GRHL3: variants seen among roughly 807,000 people sequenced by gnomAD.
GRHL3 encodes the protein grainyhead like transcription factor 3, also known as grainyhead-like protein 3 homolog.
A neutral mutation model predicts 70.3 loss-of-function variants in GRHL3; 20 were observed. That is an observed-to-expected ratio of 0.28 (90% CI 0.20 to 0.41). The LOEUF (loss-of-function observed/expected upper bound fraction) is 0.41. Among genes scored for constraint, GRHL3 ranks in the 10% least tolerant of loss-of-function variants. The probability of loss-of-function intolerance (pLI) is 1.00; values close to 1 mark genes in which losing one functional copy is unlikely to be tolerated. For missense variants in GRHL3, 637 were observed against 762.3 expected, an observed-to-expected ratio of 0.84 and a Z score of 1.94; for synonymous variants, 299 against 299.9, an observed-to-expected ratio of 1.00 and a Z score of 0.03.
chr1:24,319,812 G>A lies in GRHL3; in HGVS notation c.17+244G>A. The A allele has an allele frequency of 3.2e-6, 4 of 1,262,192 alleles. No individual in the cohort carries two copies. In the South Asian group the frequency reaches 4.7e-5, roughly 15 times the overall value. 78.2% of individuals were successfully genotyped at this position (1,262,192 alleles called of 1,614,324 possible). On this transcript the variant is annotated intron_variant, in intron 1 of 15. Transcript: ENST00000361548. ...TTGCTGAGCAGTTTCGAGCCAGGCA[G>A]GGAAACACAAGACTGAAACTGTGAA...
At chr1:24,332,555 T>C (rs554154397) in intron 2 of GRHL3, among the ~76,000 whole-genome samples, 1 of 152,306 alleles carries the variant, frequency 6.6e-6, no homozygotes, top group African/African-American at 2.4e-5. Context: ...TTTGTCAATG[T>C]AGTAATCCAG....
downstream of GRHL3, chr1:24,358,123 A>C: frequency 2.3e-6 from 1 of 436,764 alleles, no homozygotes; most frequent in Non-Finnish European, 4.6e-6. Context: ...TGTGTAAATG[A>C]ATGAAGGAAT....
At position 24,350,475 on chromosome 1, in the gene GRHL3, A is replaced by G. The variant is rs149998707; in HGVS notation, c.1694+353A>G. ...ACCACCATCCCCTTGAGCACTCACT[A>G]TGTGTCAGACACGAGGCTAAGCACA... On this transcript the variant is annotated intron_variant, in intron 15 of 15. Transcript: ENST00000361548. Among the ~76,000 whole-genome samples the G allele has an allele frequency of 2.4e-3, 364 of 152,324 alleles. 2 individuals carry two copies. The highest frequency in any genetic ancestry group is 8.2e-3 in the African/African-American group (341 of 41,574).
At chr1:24,361,950 C>A (rs1280486809) in intron 15 of GRHL3, among the ~76,000 whole-genome samples, 1 of 152,156 alleles carries the variant, frequency 6.6e-6, no homozygotes, top group African/African-American at 2.4e-5. Context: ...GAGACTTCTG[C>A]GCTTGTTACA....
At chr1:24,344,699 G>A (rs1362496279) in intron 11 of GRHL3, among the ~76,000 whole-genome samples, 198 bp from the exon 12 acceptor site, 1 of 151,816 alleles carries the variant, frequency 6.6e-6, no homozygotes, top group African/African-American at 2.4e-5. Context: ...CATCCAGCTC[G>A]GGCTGGGTGA....
intron 2 of GRHL3, among the ~76,000 whole-genome samples, chr1:24,332,791 C>A (rs975477397): frequency 2.6e-5 from 4 of 152,212 alleles, no homozygotes; most frequent in African/African-American, 7.2e-5. Flanking sequence ...AAGGCAAATT[C>A]TTTGTTTGAA....
Position 24,336,463 on chromosome 1 carries a change from C to T in GRHL3, c.267-19C>T. The T allele has an allele frequency of 6.6e-7, 1 of 1,514,864 alleles. No individual in the cohort carries two copies. Among genetic ancestry groups the T allele is most frequent in the East Asian group, 2.3e-5 (1 of 44,042 alleles). The allele number at this position is 1,514,864 out of a possible 1,614,324, so 93.8% of individuals were successfully genotyped here. The stretch of plus-strand genomic sequence containing the variant: ...ACCCCCAGAGAGAAGTACACTCAGC[C>T]CCTTTTCTTTCTCCCCAGGTACTAC... On this transcript the variant is annotated intron_variant, in intron 3 of 15. Transcript: ENST00000361548.
Position 24,355,056 on chromosome 1 carries a change from A to G in GRHL3, c.*568A>G, listed in dbSNP as rs1239906688. The G allele has an allele frequency of 2.0e-5, 3 of 152,762 alleles. No individual in the cohort carries two copies. The highest frequency in any genetic ancestry group is 4.4e-5 in the Non-Finnish European group (3 of 68,122). 9.5% of individuals were successfully genotyped at this position (152,762 alleles called of 1,614,324 possible). ...AATAGCACTAACGATCGACTGGAACAAAGTGACCGCTGTGTAAAACTACTG... is the reference window on the plus strand; with the variant it reads ...AATAGCACTAACGATCGACTGGAACGAAGTGACCGCTGTGTAAAACTACTG... On this transcript the variant is annotated 3_prime_UTR_variant, in exon 16 of 16. Coordinates refer to ENST00000361548, the MANE Select transcript of GRHL3 (RefSeq NM_198173.3).
At chr1:24,338,137 C>T (rs1639898433) in intron 7 of GRHL3, 34 bp downstream of exon 7, 1 of 1,379,852 alleles carries the variant, frequency 7.2e-7, no homozygotes, top group Non-Finnish European at 1.0e-6. Flanking sequence ...TTCCAGCTCC[C>T]CTCTCTCTCC....
At chr1:24,330,976 A>T (rs1639581979) in intron 1 of GRHL3, among the ~76,000 whole-genome samples, 1 of 152,238 alleles carries the variant, frequency 6.6e-6, no homozygotes, top group African/African-American at 2.4e-5. Flanking sequence ...ACTTGAAATG[A>T]TCTACGCCTT....
chr1:24,357,850 G>A (rs949862803), downstream of GRHL3: 17 of 303,072 alleles, frequency 5.6e-5, no homozygotes, highest in Admixed American at 4.1e-4. Flanking sequence ...ATTCAGTCCC[G>A]CCAGCAGAGA....
intron 15 of GRHL3, 72 bp downstream of exon 15, chr1:24,350,194 A>G: frequency 2.4e-6 from 3 of 1,268,634 alleles, no homozygotes; most frequent in Admixed American, 2.0e-5. Context: ...GCCTTTGTGG[A>G]GGGGCTGAGG....
chr1:24,326,882 G>A (rs543593186), intron 1 of GRHL3, among the ~76,000 whole-genome samples: 2 of 152,326 alleles, frequency 1.3e-5, no homozygotes, highest in African/African-American at 2.4e-5. Flanking sequence ...GGTCTGTAAA[G>A]TAGGGATAAT....
chr1:24,339,007 CTGT>C (rs1266056144), intron 7 of GRHL3, among the ~76,000 whole-genome samples: 2 of 152,220 alleles, frequency 1.3e-5, no homozygotes, highest in Admixed American at 6.5e-5. Context: ...CCCCCTATTA[CTGT>C]TGTTATTACC....
intron 11 of GRHL3, among the ~76,000 whole-genome samples, chr1:24,343,591 C>T (rs530271535): frequency 6.0e-4 from 91 of 152,286 alleles, no homozygotes; most frequent in African/African-American, 2.0e-3. Flanking sequence ...CTCAAGCAGC[C>T]GGGACTGAGC....
rs57193515 is a variant in GRHL3 at position 24,344,485 on chromosome 1, GAAAAAAAAAAAAAA to G, written c.1420-396_1420-383del. 1.4e-4 allele frequency among the ~76,000 whole-genome samples: 8 copies of G among 55,794 alleles called. 1 individual carries two copies. The highest frequency in any genetic ancestry group is 1.0e-3 in the South Asian group (1 of 964). 36.6% of individuals were successfully genotyped at this position (55,794 alleles called of 152,430 possible). On this transcript the variant is annotated intron_variant, in intron 11 of 15. Coordinates refer to ENST00000361548, the MANE Select transcript of GRHL3 (RefSeq NM_198173.3). ...CAGCCTGGGAGACTCTTTCCCCCCA[GAAAAAAAAAAAAAA>G]AAAAAAAAAAAAAAAGCCCTGTTGC...
At chr1:24,364,167 G>T (rs773826784) in intron 15 of GRHL3, 1 of 1,487,998 alleles carries the variant, frequency 6.7e-7, no homozygotes. Flanking sequence ...AATTCTTGAC[G>T]TTCTCACTTT....
rs773225729 is a variant in GRHL3, at chr1:24,336,586, C to T, written c.371C>T (p.Pro124Leu). The change falls in exon 4 of 16, where the codon CCA (proline) becomes CTA (leucine). Residue 124 changes from proline to leucine, a missense_variant. Physicochemically the swap from Pro to Leu is moderately conservative, Grantham distance 98 (BLOSUM62 -3). This residue lies in a region of GRHL3 where 250 missense variants were observed against 248.6 expected (regional missense o/e 1.01). Coordinates refer to ENST00000361548, the MANE Select transcript of GRHL3 (RefSeq NM_198173.3). ...AACGTGTCTGGAACCCCAGAGTACC[C>T]AGATTTGCTCAAGAAGAATAACCTG... Reference protein sequence around the residue: ...TENVSGTPEYPDLLKKNNLMS... With the variant: ...TENVSGTPEYLDLLKKNNLMS... The T allele has an allele frequency of 1.9e-6, 3 of 1,614,008 alleles. No homozygotes were observed. The South Asian group carries it at 3.3e-5, about 18-fold the overall frequency.
rs1343609369 is a variant in GRHL3, at chr1:24,346,622, G to A, written c.1524G>A (p.Lys508=). ...EFEPLPSKQA[K]EGDLQRVLLY... is the part of the protein sequence containing the mutation. ...AGCCTCTGCCCTCCAAGCAGGCCAAGGAAGGCGACCTTCAGAGAGGTGACC... is the reference window on the plus strand; with the variant it reads ...AGCCTCTGCCCTCCAAGCAGGCCAAAGAAGGCGACCTTCAGAGAGGTGACC... Residue 508 remains lysine (K), a synonymous_variant, in exon 13 of 16, where the codon AAG becomes AAA. Transcript: ENST00000361548. The A allele has an allele frequency of 6.2e-7, 1 of 1,612,764 alleles. No homozygotes were observed. Among genetic ancestry groups the A allele is most frequent in the East Asian group, 2.2e-5 (1 of 44,832 alleles).
Sources: allele counts gnomAD v4.1 joint callset (sites outside exome capture counted in the v4.1 genomes callset), GRCh38; gene constraint gnomAD v4.1.1; regional missense constraint gnomAD v4.1.1; transcripts MANE v1.5; gene names NCBI Gene and HGNC (gene_info 2026-07-23, HGNC 2026-07-21).